The following CTNNA3 variants were observed in gnomAD, a reference collection of about 807,000 sequenced individuals.
The protein encoded by CTNNA3 is catenin alpha 3.
Under a neutral mutation model 95.7 loss-of-function variants are expected in CTNNA3, and 76 were observed. That is an observed-to-expected ratio of 0.79 (90% CI 0.66 to 0.96). The LOEUF is 0.96. Ranked by LOEUF, CTNNA3 falls within the 40% of genes least tolerant of loss-of-function variation. The pLI is 0.00. For synonymous variants in CTNNA3, 431 were observed against 374.4 expected, an observed-to-expected ratio of 1.15 and a Z score of -1.74; for missense variants, 1,191 against 1,089.8, an observed-to-expected ratio of 1.09 and a Z score of -1.31.
intron 13 of CTNNA3, among the ~76,000 whole-genome samples, chr10:66,160,959 G>A (rs2084811816): frequency 6.6e-6 from 1 of 152,120 alleles, no homozygotes; most frequent in Admixed American, 6.6e-5. Flanking sequence ...TTTAACTGCT[G>A]TTGTTTTAAA....
chr10:67,421,906 T>TGTA (rs1351780808), intron 5 of CTNNA3, among the ~76,000 whole-genome samples: 2 of 152,176 alleles, frequency 1.3e-5, no homozygotes, highest in Non-Finnish European at 2.9e-5. Flanking sequence ...GAAATATAGA[T>TGTA]GTATGTATAT....
intron 10 of CTNNA3, among the ~76,000 whole-genome samples, chr10:66,590,950 TCA>T (rs1332790412): frequency 6.6e-6 from 1 of 152,166 alleles, no homozygotes; most frequent in African/African-American, 2.4e-5. Context: ...ACTTAGTTTT[TCA>T]CACAGAGTAC....
intron 5 of CTNNA3, among the ~76,000 whole-genome samples, chr10:67,478,665 T>A (rs1029459596): frequency 2.0e-5 from 3 of 152,022 alleles, no homozygotes; most frequent in Non-Finnish European, 4.4e-5. Context: ...CAATAACTGC[T>A]ACCACAAAAA....
At chr10:67,568,303 C>G (rs7100007) in intron 3 of CTNNA3, among the ~76,000 whole-genome samples, 15,944 of 151,526 alleles carry the variant, frequency 0.11, 1,700 homozygotes, top group African/African-American at 0.27. Context: ...AAAACCATTA[C>G]TTCCAGAAAT....
chr10:67,204,429 C>T (rs1357442073), intron 6 of CTNNA3, among the ~76,000 whole-genome samples: 4 of 152,270 alleles, frequency 2.6e-5, no homozygotes, highest in Middle Eastern at 3.4e-3. Context: ...TTCCCCTTCA[C>T]CTTCCACCAC....
intron 7 of CTNNA3, among the ~76,000 whole-genome samples, chr10:66,804,695 T>C (rs547882668): frequency 5.1e-4 from 78 of 152,240 alleles, no homozygotes; most frequent in African/African-American, 1.9e-3. Flanking sequence ...TCTCCCTAGT[T>C]ATTTTCAGAC....
Position 66,547,346 on chromosome 10 carries a change from TC to T in CTNNA3, c.1375-26574del, listed in dbSNP as rs199714552. 1.1e-4 allele frequency among the ~76,000 whole-genome samples: 11 copies of T among 104,484 alleles called. 3 individuals are homozygous for T. The East Asian group carries it at 2.6e-3, about 25-fold the overall frequency. The allele number at this position is 104,484 out of a possible 152,430, so 68.5% of individuals were successfully genotyped here. On this transcript the variant is annotated intron_variant, in intron 10 of 17. Coordinates refer to ENST00000433211, the MANE Select transcript of CTNNA3 (RefSeq NM_013266.4). Reference sequence around the variant, plus strand: ...CTTGTTCCTTTGATTTTTCTTTCTTTCTTTTTTTTTTTTTTGAGATAGAGTC... The same window carrying T: ...CTTGTTCCTTTGATTTTTCTTTCTTTTTTTTTTTTTTTTTGAGATAGAGTC...
chr10:66,962,082 C>A (rs907268860), intron 7 of CTNNA3, among the ~76,000 whole-genome samples: 4 of 152,066 alleles, frequency 2.6e-5, no homozygotes, highest in African/African-American at 9.7e-5. Flanking sequence ...AGGCTTCCAC[C>A]TTCACCTCAT....
chr10:67,605,906 G>C (rs1843257323), intron 3 of CTNNA3, among the ~76,000 whole-genome samples: 1 of 152,152 alleles, frequency 6.6e-6, no homozygotes. Context: ...CCTGACCTCA[G>C]GCAATCCACC....
At chr10:65,928,558 T>A (rs1277319452) in intron 17 of CTNNA3, among the ~76,000 whole-genome samples, 1 of 152,230 alleles carries the variant, frequency 6.6e-6, no homozygotes, top group East Asian at 1.9e-4. Flanking sequence ...ATATCTGGCA[T>A]ATGAATAAGT....
intron 11 of CTNNA3, among the ~76,000 whole-genome samples, chr10:66,483,138 T>A (rs1839600266): frequency 6.6e-6 from 1 of 152,202 alleles, no homozygotes; most frequent in Admixed American, 6.5e-5. Flanking sequence ...ATTCTAATAG[T>A]TAAGAGGACA....
At chr10:67,592,937 G>A (rs1031200627) in intron 3 of CTNNA3, among the ~76,000 whole-genome samples, 9 of 152,110 alleles carry the variant, frequency 5.9e-5, no homozygotes, top group African/African-American at 2.2e-4. Flanking sequence ...CACAGTACCT[G>A]GTAAGTAGTT....
chr10:67,651,514 C>T (rs946426577), intron 1 of CTNNA3, among the ~76,000 whole-genome samples: 3 of 152,086 alleles, frequency 2.0e-5, no homozygotes, highest in Non-Finnish European at 4.4e-5. Flanking sequence ...CTAGAATTCC[C>T]TATTAAGTCA....
At chr10:66,693,946 G>T (rs996309731) in intron 9 of CTNNA3, among the ~76,000 whole-genome samples, 1 of 151,682 alleles carries the variant, frequency 6.6e-6, no homozygotes, top group Admixed American at 6.6e-5. Flanking sequence ...AGAATCTCTG[G>T]GACACATTCA....
intron 4 of CTNNA3, among the ~76,000 whole-genome samples, chr10:67,528,754 G>C (rs1840226132): frequency 6.6e-6 from 1 of 152,168 alleles, no homozygotes; most frequent in African/African-American, 2.4e-5. Flanking sequence ...ACATACTAGA[G>C]TGATGGTGAC....
At chr10:66,352,513 C>T (rs2092574518) in intron 12 of CTNNA3, among the ~76,000 whole-genome samples, 3 of 152,064 alleles carry the variant, frequency 2.0e-5, no homozygotes, top group African/African-American at 7.2e-5. Context: ...TGGTTCTCAG[C>T]ACTGCATTGC....
intron 9 of CTNNA3, among the ~76,000 whole-genome samples, chr10:66,763,739 A>T (rs544417131): frequency 4.1e-4 from 63 of 152,308 alleles, no homozygotes; most frequent in Admixed American, 6.5e-5. Context: ...GGGACTTCTC[A>T]TCTCAGAACC....
chr10:65,951,961 C>T (rs570639641), intron 17 of CTNNA3, among the ~76,000 whole-genome samples: 9 of 140,044 alleles, frequency 6.4e-5, no homozygotes, highest in African/African-American at 2.2e-4. Context: ...ACCCGGGAGG[C>T]GGAGCTTGCA....
At chr10:66,535,100 T>A (rs1050724631) in intron 10 of CTNNA3, among the ~76,000 whole-genome samples, 2 of 152,064 alleles carry the variant, frequency 1.3e-5, no homozygotes, top group African/African-American at 4.8e-5. Context: ...TAATTACATA[T>A]TAAAGAACCT....
Sources: allele counts gnomAD v4.1 joint callset (sites outside exome capture counted in the v4.1 genomes callset), GRCh38; gene constraint gnomAD v4.1.1; transcripts MANE v1.5; gene names NCBI Gene and HGNC (gene_info 2026-07-23, HGNC 2026-07-21).